The following TRAK2 variants were observed in gnomAD, a reference collection of about 807,000 sequenced individuals.
The protein encoded by TRAK2 is trafficking kinesin-binding protein 2.
A neutral mutation model predicts 104.6 loss-of-function variants in TRAK2; 81 were observed. The observed-to-expected ratio is 0.77, with a 90% CI of 0.65 to 0.93. The LOEUF is 0.93. Ranked by LOEUF, TRAK2 falls within the 40% of genes least tolerant of loss-of-function variation. The pLI is 0.00. For synonymous variants in TRAK2, 406 were observed against 394.4 expected (o/e 1.03, Z -0.35); for missense variants, 1,002 against 1,089.0 (o/e 0.92, Z 1.12).
intron 15 of TRAK2, among the ~76,000 whole-genome samples, chr2:201,381,670 C>A (rs1465758012): frequency 6.6e-6 from 1 of 152,040 alleles, no homozygotes; most frequent in East Asian, 1.9e-4. Flanking sequence ...AAACAGTTTA[C>A]CAACTTTTAA....
chr2:201,408,731 GA>G (rs1192384669), intron 2 of TRAK2, among the ~76,000 whole-genome samples: 3 of 152,118 alleles, frequency 2.0e-5, no homozygotes, highest in African/African-American at 4.8e-5. Context: ...ATGCCTGGGG[GA>G]AAAAGCAATA....
In TRAK2 at chr2:201,389,444, G is replaced by A. The variant is rs1951423802; in HGVS notation, c.1253C>T (p.Ser418Phe). Residue 418 changes from serine (S) to phenylalanine (F), a missense_variant, in exon 12 of 16, where the codon TCT (serine) becomes TTT (phenylalanine). Coordinates refer to ENST00000332624, the MANE Select transcript of TRAK2 (RefSeq NM_015049.3). ...GGGTAACAGAGCTGGGAATGAGATA[G>A]AGCGGCCCCGTGTGTCATTGGCAAT... The part of the protein sequence containing the change: ...VRIANDTRGR[S>F]ISFPALLPIP... 4.3e-6 allele frequency: 7 copies of A among 1,614,162 alleles called. No homozygotes were observed. The highest frequency in any genetic ancestry group is 1.7e-5 in the Admixed American group (1 of 60,024).
At chr2:201,436,802 C>G (rs559533555) in intron 1 of TRAK2, among the ~76,000 whole-genome samples, 155 of 152,226 alleles carry the variant, frequency 1.0e-3, no homozygotes, top group Middle Eastern at 3.4e-3. Context: ...CAATATAGCT[C>G]TTCAAGTCAA....
At chr2:201,448,748 A>G (rs1289969314) in intron 1 of TRAK2, among the ~76,000 whole-genome samples, 2 of 152,030 alleles carry the variant, frequency 1.3e-5, no homozygotes, top group Non-Finnish European at 2.9e-5. Flanking sequence ...TCGTATTTTA[A>G]TTTTTTTTAG....
At chr2:201,389,668 G>C in intron 11 of TRAK2, 133 bp downstream of exon 11, 1 of 1,075,858 alleles carries the variant, frequency 9.3e-7, no homozygotes, top group Non-Finnish European at 1.4e-6. Flanking sequence ...CACAAAAAAA[G>C]GACACTGTGA....
At chr2:201,400,795 A>G (rs904058460) in intron 4 of TRAK2, among the ~76,000 whole-genome samples, 2 of 152,090 alleles carry the variant, frequency 1.3e-5, no homozygotes, top group African/African-American at 4.8e-5. Context: ...AGGCAAGTCA[A>G]CACCATTAAA....
At chr2:201,441,432 C>A (rs1198979105) in intron 1 of TRAK2, among the ~76,000 whole-genome samples, 2 of 152,170 alleles carry the variant, frequency 1.3e-5, no homozygotes, top group Non-Finnish European at 2.9e-5. Context: ...GGTCAGATAT[C>A]TTCTTTTAAA....
chr2:201,415,917 C>T (rs1255483190), intron 2 of TRAK2, among the ~76,000 whole-genome samples: 1 of 151,678 alleles, frequency 6.6e-6, no homozygotes, highest in Non-Finnish European at 1.5e-5. Flanking sequence ...TGCTAAAAAC[C>T]AGTGATAAAG....
intron 3 of TRAK2, among the ~76,000 whole-genome samples, chr2:201,402,954 A>G (rs911171745): frequency 3.9e-5 from 6 of 152,322 alleles, no homozygotes; most frequent in African/African-American, 1.4e-4. Context: ...AAAATCAGGC[A>G]TCCTATAGGC....
chr2:201,382,537 A>T (rs1951353474), intron 15 of TRAK2, among the ~76,000 whole-genome samples: 1 of 152,168 alleles, frequency 6.6e-6, no homozygotes, highest in African/African-American at 2.4e-5. Flanking sequence ...TATTTCTACT[A>T]GACTCTAGAA....
chr2:201,412,549 A>G, intron 2 of TRAK2: 1 of 1,262,264 alleles, frequency 7.9e-7, no homozygotes, highest in Non-Finnish European at 1.2e-6. Context: ...AGCATACATA[A>G]CAGTTCCTAA....
intron 1 of TRAK2, among the ~76,000 whole-genome samples, chr2:201,426,942 C>A (rs1951793862): frequency 6.6e-6 from 1 of 152,150 alleles, no homozygotes; most frequent in Non-Finnish European, 1.5e-5. Context: ...TGAATTTTAA[C>A]CTAATTTACT....
intron 3 of TRAK2, among the ~76,000 whole-genome samples, chr2:201,404,929 A>C (rs943154774): frequency 8.5e-5 from 13 of 152,218 alleles, no homozygotes; most frequent in African/African-American, 3.1e-4. Flanking sequence ...TTCTGCCTTC[A>C]AAATGACTGA....
chr2:201,410,954 G>A, intron 2 of TRAK2: 1 of 1,561,948 alleles, frequency 6.4e-7, no homozygotes, highest in Admixed American at 1.7e-5. Context: ...TACTGTAGAA[G>A]TTCTGGTTTG....
chr2:201,440,592 C>T (rs1309476026), intron 1 of TRAK2, among the ~76,000 whole-genome samples: 2 of 152,196 alleles, frequency 1.3e-5, no homozygotes, highest in Non-Finnish European at 2.9e-5. Flanking sequence ...CTAGAAAAGA[C>T]AGCTCTTCCT....
chr2:201,430,986 T>C (rs1201282134), intron 1 of TRAK2, among the ~76,000 whole-genome samples: 1 of 152,226 alleles, frequency 6.6e-6, no homozygotes, highest in Non-Finnish European at 1.5e-5. Context: ...CTTAAATTTC[T>C]GGCTCAACAG....
intron 1 of TRAK2, among the ~76,000 whole-genome samples, chr2:201,448,962 C>T (rs1951987577): frequency 6.6e-6 from 1 of 152,172 alleles, no homozygotes; most frequent in Non-Finnish European, 1.5e-5. Flanking sequence ...GCTGAGATTA[C>T]AGGTGTGAGT....
chr2:201,382,923 C>T (rs577611939), intron 15 of TRAK2, among the ~76,000 whole-genome samples: 8 of 152,258 alleles, frequency 5.3e-5, no homozygotes, highest in Non-Finnish European at 1.0e-4. Context: ...TATCCTTACT[C>T]TTGATTCCCC....
At chr2:201,423,300 T>C (rs936960150) in intron 1 of TRAK2, among the ~76,000 whole-genome samples, 22 of 152,188 alleles carry the variant, frequency 1.4e-4, no homozygotes, top group African/African-American at 5.3e-4. Flanking sequence ...CTGGTACTGA[T>C]ACATGCTGAA....
Sources: allele counts gnomAD v4.1 joint callset (sites outside exome capture counted in the v4.1 genomes callset), GRCh38; gene constraint gnomAD v4.1.1; transcripts MANE v1.5; gene names NCBI Gene and HGNC (gene_info 2026-07-23, HGNC 2026-07-21).